ADGRF3: variants seen among roughly 807,000 people sequenced by gnomAD.
ADGRF3 encodes adhesion G protein-coupled receptor F3, also known as G protein-coupled receptor 113.
ADGRF3 carries 85 observed loss-of-function variants against 93.2 expected under a neutral mutation model. The ratio of observed to expected loss-of-function variants is 0.91; its 90% CI spans 0.77 to 1.09. The LOEUF is 1.09. Ranked by LOEUF, ADGRF3 falls within the 50% of genes least tolerant of loss-of-function variation. ADGRF3 has a pLI of 0.00. For synonymous variants in ADGRF3, 534 were observed against 532.5 expected (o/e 1.00, Z -0.04); for missense variants, 1,125 against 1,246.2 (o/e 0.90, Z 1.46).
chr2:26,331,635 T>C (rs1574726731), intron 1 of ADGRF3, among the ~76,000 whole-genome samples: 1 of 151,984 alleles, frequency 6.6e-6, no homozygotes, highest in Admixed American at 6.6e-5. Flanking sequence ...GAGGCGGAGG[T>C]GGGAGAGTCA....
At chr2:26,326,308 C>T (rs1307949212) in intron 1 of ADGRF3, among the ~76,000 whole-genome samples, 14 of 152,150 alleles carry the variant, frequency 9.2e-5, no homozygotes, top group Admixed American at 9.2e-4. Context: ...ATATCCTTAT[C>T]AGAAGGATAT....
intron 1 of ADGRF3, chr2:26,345,643 G>C (rs996745642): frequency 6.5e-6 from 1 of 153,826 alleles, no homozygotes; most frequent in African/African-American, 2.4e-5. Flanking sequence ...CAGGAGCTGG[G>C]AGCGGCTCGC....
intron 1 of ADGRF3, among the ~76,000 whole-genome samples, chr2:26,335,765 C>G (rs941580969): frequency 1.2e-4 from 19 of 152,234 alleles, no homozygotes; most frequent in African/African-American, 4.6e-4. Flanking sequence ...TGATTGCCTG[C>G]TTTCCCCTCT....
At chr2:26,319,229 C>T in intron 1 of ADGRF3, 1 of 597,212 alleles carries the variant, frequency 1.7e-6, no homozygotes, top group South Asian at 2.3e-5. Context: ...GTGGGGGCCA[C>T]CTGGAGCCCA....
chr2:26,336,584 G>A (rs1403655236), intron 1 of ADGRF3, among the ~76,000 whole-genome samples: 1 of 151,834 alleles, frequency 6.6e-6, no homozygotes. Context: ...AAATTAGCTG[G>A]GCGTGGTGGC....
intron 8 of ADGRF3, 47 bp from the exon 9 acceptor site, chr2:26,313,169 G>C: frequency 6.2e-7 from 1 of 1,603,990 alleles, no homozygotes; most frequent in Non-Finnish European, 8.5e-7. Flanking sequence ...GTGGAATGAT[G>C]GTTTGAGAAG....
At chr2:26,336,586 C>T (rs568071552) in intron 1 of ADGRF3, among the ~76,000 whole-genome samples, 1 of 151,532 alleles carries the variant, frequency 6.6e-6, no homozygotes, top group African/African-American at 2.4e-5. Context: ...ATTAGCTGGG[C>T]GTGGTGGCAA....
intron 1 of ADGRF3, chr2:26,319,038 C>A (rs368688189): frequency 7.1e-6 from 11 of 1,551,124 alleles, no homozygotes; most frequent in South Asian, 1.2e-5. Context: ...GTGGGGCAGC[C>A]GAACAGACCA....
intron 1 of ADGRF3, among the ~76,000 whole-genome samples, chr2:26,320,303 C>A (rs1031835731): frequency 1.3e-5 from 2 of 152,158 alleles, no homozygotes; most frequent in Non-Finnish European, 2.9e-5. Context: ...TCGAGACCAG[C>A]CTGCCCAACA....
Position 26,346,357 on chromosome 2 carries a change from C to A in ADGRF3, c.-123G>T. 1 of 1,510,548 alleles carries A rather than the reference C, an allele frequency of 6.6e-7. No homozygotes were observed. The highest frequency in any genetic ancestry group is 1.3e-5 in the South Asian group (1 of 79,920). 93.6% of individuals were successfully genotyped at this position (1,510,548 alleles called of 1,614,324 possible). On this transcript the variant is annotated 5_prime_UTR_variant, in exon 1 of 14. Coordinates refer to ENST00000651242, the MANE Select transcript of ADGRF3 (RefSeq NM_001321971.2). ...CGCCCAGGCGGCTGAGGGGCCCGCGCGGCGCGGTCCGTGTCACCTTGTGCC... is the reference window on the plus strand; with the variant it reads ...CGCCCAGGCGGCTGAGGGGCCCGCGAGGCGCGGTCCGTGTCACCTTGTGCC...
At chr2:26,335,985 G>T (rs535971632) in intron 1 of ADGRF3, among the ~76,000 whole-genome samples, 37 of 152,200 alleles carry the variant, frequency 2.4e-4, no homozygotes, top group African/African-American at 8.4e-4. Flanking sequence ...GGTCTTGCTG[G>T]GTATGAGGCA....
At chr2:26,310,532 C>T (rs77377066) in intron 10 of ADGRF3, among the ~76,000 whole-genome samples, 160 bp downstream of exon 10, 4,426 of 152,228 alleles carry the variant, frequency 0.029, 113 homozygotes, top group African/African-American at 0.071. Context: ...CCAAAGTTAT[C>T]CAGCTACTCA....
intron 4 of ADGRF3, 26 bp from the exon 5 acceptor site, chr2:26,315,766 C>T (rs1674597352): frequency 1.3e-6 from 2 of 1,550,324 alleles, no homozygotes; most frequent in African/African-American, 2.7e-5. Flanking sequence ...TGACAGGGGA[C>T]CCTGGAGGAG....
Position 26,327,495 on chromosome 2 carries a change from T to G in ADGRF3, c.115-9933A>C, listed in dbSNP as rs528122454. On this transcript the variant is annotated intron_variant, in intron 1 of 13. Coordinates refer to ENST00000651242, the MANE Select transcript of ADGRF3 (RefSeq NM_001321971.2). ...GCTCAGAAAAACCAAGGATGCTGTA[T>G]CAGTACGTCTGAGTCTGTTCTGTGT... is the stretch of plus-strand genomic sequence containing the variant. Among the ~76,000 whole-genome samples, 3 of 152,196 alleles carry G rather than the reference T, an allele frequency of 2.0e-5. No individual in the cohort carries two copies. In the South Asian group the frequency reaches 6.2e-4, roughly 32 times the overall value.
intron 1 of ADGRF3, among the ~76,000 whole-genome samples, chr2:26,323,045 A>T (rs1295519721): frequency 6.6e-6 from 1 of 152,156 alleles, no homozygotes; most frequent in African/African-American, 2.4e-5. Flanking sequence ...AGACGGAGGC[A>T]TGAGAATCAC....
chr2:26,317,498 C>G lies in ADGRF3; in HGVS notation c.179G>C (p.Gly60Ala), dbSNP rs746211823. ...CCTCCTCCTGTCCATACACTCACCCCCTGCTCCATTCTCTTGGTCCAGGAG... is the reference window on the plus strand; with the variant it reads ...CCTCCTCCTGTCCATACACTCACCCGCTGCTCCATTCTCTTGGTCCAGGAG... The part of the protein sequence containing the change: ...GQLLDQENGA[G>A]ESALVSVYVH... Residue 60 changes from glycine to alanine, a missense_variant and splice_region_variant, in exon 2 of 14, where the codon GGG (glycine) becomes GCG (alanine). Gly to Ala is a moderately conservative substitution (Grantham distance 60, BLOSUM62 0). Coordinates refer to ENST00000651242, the MANE Select transcript of ADGRF3 (RefSeq NM_001321971.2). 3.1e-6 allele frequency: 5 copies of G among 1,590,534 alleles called. No homozygotes were observed. Among genetic ancestry groups the G allele is most frequent in the South Asian group, 1.2e-5 (1 of 86,634 alleles).
chr2:26,333,182 G>A (rs1350096503), intron 1 of ADGRF3, among the ~76,000 whole-genome samples: 1 of 151,836 alleles, frequency 6.6e-6, no homozygotes, highest in Non-Finnish European at 1.5e-5. Flanking sequence ...AGTGCTCTTT[G>A]GAAAGCATGT....
Position 26,310,035 on chromosome 2 carries a change from C to T in ADGRF3, c.2937+8G>A, listed in dbSNP as rs752140944. ...TGCACAGCTGAGGATCTGAAGGCAG[C>T]AACTCACCAGGGAGATGGTGGAGCT... On this transcript the variant is annotated splice_region_variant and intron_variant, in intron 12 of 13. Transcript: ENST00000651242. The T allele has an allele frequency of 4.3e-6, 7 of 1,613,958 alleles. No individual in the cohort carries two copies. The highest frequency in any genetic ancestry group is 1.7e-5 in the Admixed American group (1 of 60,016).
intron 1 of ADGRF3, among the ~76,000 whole-genome samples, chr2:26,339,986 G>A (rs1479843313): frequency 2.0e-5 from 3 of 152,216 alleles, no homozygotes; most frequent in South Asian, 2.1e-4. Flanking sequence ...CGATTCCTTT[G>A]GATAGAAATC....
Sources: allele counts gnomAD v4.1 joint callset (sites outside exome capture counted in the v4.1 genomes callset), GRCh38; gene constraint gnomAD v4.1.1; transcripts MANE v1.5; gene names NCBI Gene and HGNC (gene_info 2026-07-23, HGNC 2026-07-21).